The following TMIE variants were observed in gnomAD, a reference collection of about 807,000 sequenced individuals.
The protein encoded by TMIE is transmembrane inner ear expressed protein.
Under a neutral mutation model 16.8 loss-of-function variants are expected in TMIE, and 14 were observed. The ratio of observed to expected loss-of-function variants is 0.83; its 90% CI spans 0.55 to 1.30. The LOEUF (loss-of-function observed/expected upper bound fraction) is 1.30. Among genes scored for constraint, TMIE ranks in the 50% most tolerant of loss-of-function variants. The probability of loss-of-function intolerance (pLI) is 0.00; values close to 1 mark genes in which losing one functional copy is unlikely to be tolerated. For missense variants in TMIE, 204 were observed against 205.9 expected (o/e 0.99, Z 0.06); for synonymous variants, 75 against 87.2 (o/e 0.86, Z 0.78).
intron 1 of TMIE, among the ~76,000 whole-genome samples, chr3:46,702,401 G>A (rs1700487966): frequency 6.6e-6 from 1 of 152,072 alleles, no homozygotes; most frequent in South Asian, 2.1e-4. Flanking sequence ...GGAAGGGTGG[G>A]GCCATCTGTA....
At chr3:46,709,082 T>A (rs1221381932) in intron 2 of TMIE, 44 bp from the exon 3 acceptor site, 2 of 1,613,090 alleles carry the variant, frequency 1.2e-6, no homozygotes, top group Non-Finnish European at 1.7e-6. Flanking sequence ...TCCTTGGGTC[T>A]CTGAACCCCA....
At chr3:46,699,291 C>T (rs1273488996), upstream of TMIE, among the ~76,000 whole-genome samples, 3 of 151,990 alleles carry the variant, frequency 2.0e-5, no homozygotes, top group Non-Finnish European at 4.4e-5. Context: ...AGGCTGGTCT[C>T]GACTCCTGAC....
intron 2 of TMIE, 68 bp from the exon 3 acceptor site, chr3:46,709,058 A>T: frequency 6.2e-7 from 1 of 1,604,568 alleles, no homozygotes; most frequent in Admixed American, 1.7e-5. Context: ...GGCCTGAAGG[A>T]AGGCGGATGC....
In TMIE at chr3:46,704,263, C is replaced by T. The variant is rs1037812251; in HGVS notation, c.94-1527C>T. Among the ~76,000 whole-genome samples, 4 of 142,014 alleles carry T rather than the reference C, an allele frequency of 2.8e-5. No homozygotes were observed. In the Admixed American group the frequency reaches 2.8e-4, roughly 10 times the overall value. 93.2% of individuals were successfully genotyped at this position (142,014 alleles called of 152,430 possible). A position where few individuals can be genotyped will look rare whatever the true frequency, so the allele number is the denominator to read the frequency against. On this transcript the variant is annotated intron_variant, in intron 1 of 3. Coordinates refer to ENST00000643606, the MANE Select transcript of TMIE (RefSeq NM_147196.3). The stretch of plus-strand genomic sequence containing the variant: ...CCTAGACACCCAGGGTGGACCATGT[C>T]CCCTAGACACCCAGGGCAGGACCAT...
chr3:46,700,212 A>G (rs1328802652), upstream of TMIE, among the ~76,000 whole-genome samples: 1 of 152,164 alleles, frequency 6.6e-6, no homozygotes, highest in African/African-American at 2.4e-5. Flanking sequence ...CGTTTCCTCG[A>G]TGGGTCTCCT....
Position 46,709,978 on chromosome 3 carries a change from C to G in TMIE, c.*290C>G, listed in dbSNP as rs1045957829. The G allele has an allele frequency of 2.1e-6, 1 of 476,532 alleles. No individual in the cohort carries two copies. The highest frequency in any genetic ancestry group is 2.0e-5 in the African/African-American group (1 of 50,708). 29.5% of individuals were successfully genotyped at this position (476,532 alleles called of 1,614,324 possible). On this transcript the variant is annotated 3_prime_UTR_variant, in exon 4 of 4. Transcript: ENST00000643606. ...CTCTGCAGATACACTGCTCTCCCCA[C>G]CCAGACCTGCCTGTCTCCCACCCTT...
At chr3:46,704,415 T>A (rs908208310) in intron 1 of TMIE, among the ~76,000 whole-genome samples, 183 of 118,648 alleles carry the variant, frequency 1.5e-3, no homozygotes, top group Non-Finnish European at 1.7e-3. Context: ...AGACCCAGGG[T>A]GGACCATGTC....
rs1559497365 is a variant in TMIE, at chr3:46,709,675, A to G, written c.458A>G (p.Lys153Arg). 8 of 1,613,792 alleles carry G rather than the reference A, an allele frequency of 5.0e-6. No homozygotes were observed. The highest frequency in any genetic ancestry group is 6.8e-6 in the Non-Finnish European group (8 of 1,179,864). Residue 153 changes from lysine to arginine, a missense_variant, in exon 4 of 4, where the codon AAA becomes AGA. Coordinates refer to ENST00000643606, the MANE Select transcript of TMIE (RefSeq NM_147196.3). ...GAGAAGAATGAGGCCAAGAAGAAGA[A>G]AGGAGAGAAATGAAGACATCCTGGG... ...EDEKNEAKKKKGEK is the reference protein window; with the variant it reads ...EDEKNEAKKKRGEK
In TMIE at chr3:46,708,070, A is replaced by G. The variant is rs184619346; in HGVS notation, c.212-1056A>G. On this transcript the variant is annotated intron_variant, in intron 2 of 3. Coordinates refer to ENST00000643606, the MANE Select transcript of TMIE (RefSeq NM_147196.3). ...ATGCCTGGATGCTATTGGCTCCCCA[A>G]TTCATTCACTCTAGTCCAGTCCTGT... Among the ~76,000 whole-genome samples, 285 of 152,304 alleles carry G rather than the reference A, an allele frequency of 1.9e-3. 1 individual carries two copies. Among genetic ancestry groups the G allele is most frequent in the Middle Eastern group, 0.01 (3 of 294 alleles).
chr3:46,697,906 G>T (rs1227198628), upstream of TMIE, among the ~76,000 whole-genome samples: 2 of 152,110 alleles, frequency 1.3e-5, no homozygotes, highest in African/African-American at 2.4e-5. Context: ...CAGAGGAAAA[G>T]ATATAGTTTG....
rs1237826474 is a variant in TMIE at position 46,710,675 on chromosome 3, G to T, written c.*987G>T. ...CATTTCCCACTACGGGCACCTAAAAGAAGCATCTCTGACCAGAAGACAAAG... is the reference window on the plus strand; with the variant it reads ...CATTTCCCACTACGGGCACCTAAAATAAGCATCTCTGACCAGAAGACAAAG... On this transcript the variant is annotated 3_prime_UTR_variant, in exon 4 of 4. Coordinates refer to ENST00000643606, the MANE Select transcript of TMIE (RefSeq NM_147196.3). 6.6e-6 allele frequency: 1 copy of T among 152,222 alleles called. No homozygotes were observed. Among genetic ancestry groups the T allele is most frequent in the East Asian group, 1.9e-4 (1 of 5,186 alleles). The allele number at this position is 152,222 out of a possible 1,614,324, so 9.4% of individuals were successfully genotyped here.
At chr3:46,694,155 T>G (rs6442020), upstream of TMIE, among the ~76,000 whole-genome samples, 68,477 of 152,012 alleles carry the variant, frequency 0.45, 16,337 homozygotes, top group African/African-American at 0.62. Context: ...ACTTGGAGCC[T>G]GTAGAGGGGT....
At chr3:46,696,985 G>A (rs1400569988), upstream of TMIE, among the ~76,000 whole-genome samples, 1 of 152,196 alleles carries the variant, frequency 6.6e-6, no homozygotes, top group Non-Finnish European at 1.5e-5. Context: ...TGGACACTGA[G>A]CAGTGTCCTG....
intron 1 of TMIE, 53 bp from the exon 2 acceptor site, chr3:46,705,726 CTTCTCAGCTGG>C: frequency 6.2e-6 from 9 of 1,444,350 alleles, no homozygotes; most frequent in Non-Finnish European, 8.7e-6. Flanking sequence ...GACCTGGGCC[CTTCTCAGCTGG>C]TTCCAGCCAG....
chr3:46,697,118 T>C (rs1700417622), upstream of TMIE, among the ~76,000 whole-genome samples: 1 of 129,722 alleles, frequency 7.7e-6, no homozygotes, highest in Non-Finnish European at 1.6e-5. Context: ...CCCTCAAAGA[T>C]GGGGGAAAAA....
Position 46,705,864 on chromosome 3 carries a change from G to A in TMIE, c.168G>A (p.Leu56=), listed in dbSNP as rs1700546733. ...KETVVFWDMR[L]WHVVGIFSLF... ...CAGTGGTGTTCTGGGACATGCGCCT[G>A]TGGCACGTGGTGGGCATCTTTTCGC... The change falls in exon 2 of 4, where the codon CTG becomes CTA. Residue 56 remains leucine, a synonymous_variant. Coordinates refer to ENST00000643606, the MANE Select transcript of TMIE (RefSeq NM_147196.3). 2 of 1,614,150 alleles carry A rather than the reference G, an allele frequency of 1.2e-6. No homozygotes were observed. The highest frequency in any genetic ancestry group is 4.5e-5 in the East Asian group (2 of 44,872).
Position 46,709,593 on chromosome 3 carries a change from AAG to A in TMIE, c.378_379del (p.Lys127GlufsTer18), listed in dbSNP as rs1219635195. On this transcript the variant is annotated frameshift_variant, in exon 4 of 4. Transcript: ENST00000643606. LOFTEE classifies it high-confidence loss of function. ...TEVPGEDKKK[K>X]KKKKKDSVDT... ...CTGCCCCACAGAGGATAAGAAGAAG[AAG>A]AAGAAGAAGAAGAAGGACAGTGTGG... The A allele has an allele frequency of 4.3e-6, 7 of 1,610,804 alleles. No individual in the cohort carries two copies. The African/African-American group carries it at 5.3e-5, about 12-fold the overall frequency.
chr3:46,706,007 T>C, intron 2 of TMIE, 100 bp downstream of exon 2: 1 of 1,253,602 alleles, frequency 8.0e-7, no homozygotes, highest in Non-Finnish European at 1.2e-6. Context: ...GCAGTGCAAG[T>C]AGGCCAGGCA....
Position 46,701,411 on chromosome 3 carries a change from G to A in TMIE, c.-77G>A. ...CGTGGCCAAAGCCCGTGGCCACCGA[G>A]CGCCGGCTGGCAGGGGCAGTGACCG... is the stretch of plus-strand genomic sequence containing the variant. On this transcript the variant is annotated 5_prime_UTR_variant, in exon 1 of 4. Transcript: ENST00000643606. This position sits in a 1 kb window ranked among gnomAD's most constrained non-coding sequence, Gnocchi z 4.3. 8.0e-7 allele frequency: 1 copy of A among 1,246,750 alleles called. No individual in the cohort carries two copies. The highest frequency in any genetic ancestry group is 1.1e-6 in the Non-Finnish European group (1 of 930,490). The allele number at this position is 1,246,750 out of a possible 1,614,324, so 77.2% of individuals were successfully genotyped here.
Sources: allele counts gnomAD v4.1 joint callset (sites outside exome capture counted in the v4.1 genomes callset), GRCh38; gene constraint gnomAD v4.1.1; non-coding constraint Gnocchi (gnomAD v3.1); transcripts MANE v1.5; gene names NCBI Gene and HGNC (gene_info 2026-07-23, HGNC 2026-07-21).